Variants in PSMG2 observed in about 807,000 individuals in gnomAD.
The protein encoded by PSMG2 is proteasome assembly chaperone 2.
In PSMG2, 21 loss-of-function variants were observed where a neutral mutation model predicts 31.5. The observed-to-expected ratio is 0.67, with a 90% confidence interval of 0.47 to 0.96. PSMG2 has a LOEUF of 0.96. Ranked by LOEUF, PSMG2 falls within the 40% of genes least tolerant of loss-of-function variation. The probability of loss-of-function intolerance (pLI) is 0.00; values close to 1 mark genes in which losing one functional copy is unlikely to be tolerated. For synonymous variants in PSMG2, 120 were observed against 110.4 expected (o/e 1.09, Z -0.54); for missense variants, 318 against 321.2 (o/e 0.99, Z 0.08).
chr18:12,720,088 C>A (rs2040416574), intron 4 of PSMG2, among the ~76,000 whole-genome samples: 1 of 151,878 alleles, frequency 6.6e-6, no homozygotes, highest in Admixed American at 6.6e-5. Flanking sequence ...ACTCTGTCAC[C>A]CAGGCTGGAG....
At chr18:12,680,654 A>C (rs2039315451) in intron 1 of PSMG2, 1 of 1,584,058 alleles carries the variant, frequency 6.3e-7, no homozygotes, top group Admixed American at 1.9e-5. Flanking sequence ...TAAACTTAGT[A>C]AACTAACCTG....
At chr18:12,693,471 G>A (rs1016476573) in intron 1 of PSMG2, among the ~76,000 whole-genome samples, 5 of 151,806 alleles carry the variant, frequency 3.3e-5, no homozygotes, top group Non-Finnish European at 2.9e-5. Context: ...CAAAAAAGTA[G>A]AGCCCAAACA....
At chr18:12,702,869 T>C (rs1451616217), upstream of PSMG2, 3 of 571,506 alleles carry the variant, frequency 5.2e-6, no homozygotes, top group Non-Finnish European at 6.1e-6. Flanking sequence ...GCGCACCCCA[T>C]CGCCTTGCTT....
chr18:12,664,494 G>C (rs1229701941), intron 1 of PSMG2, among the ~76,000 whole-genome samples: 1 of 151,892 alleles, frequency 6.6e-6, no homozygotes, highest in Non-Finnish European at 1.5e-5. Context: ...AGATCGCAGT[G>C]AGCCAAGATC....
upstream of PSMG2, chr18:12,700,954 T>C (rs1044495284): frequency 5.0e-6 from 8 of 1,609,940 alleles, no homozygotes; most frequent in Admixed American, 1.7e-5. Flanking sequence ...AAAAGATTAC[T>C]CACAGTAACA....
At chr18:12,704,555 C>T (rs1366658786) in intron 1 of PSMG2, among the ~76,000 whole-genome samples, 1 of 152,060 alleles carries the variant, frequency 6.6e-6, no homozygotes, top group Non-Finnish European at 1.5e-5. Flanking sequence ...TGCCACTGCA[C>T]TCCAGCCTGG....
At chr18:12,683,499 T>A (rs1260752581) in intron 1 of PSMG2, among the ~76,000 whole-genome samples, 1 of 151,268 alleles carries the variant, frequency 6.6e-6, no homozygotes. Context: ...AAAACGGAAA[T>A]CAGCACTTTA....
intron 1 of PSMG2, among the ~76,000 whole-genome samples, chr18:12,677,045 CTT>C (rs2039161132): frequency 6.6e-6 from 1 of 152,214 alleles, no homozygotes; most frequent in African/African-American, 2.4e-5. Context: ...CTCTTAATGT[CTT>C]CTCTTGATGA....
At chr18:12,674,543 AT>A (rs755787482) in intron 1 of PSMG2, 1 of 1,611,672 alleles carries the variant, frequency 6.2e-7, no homozygotes, top group African/African-American at 1.3e-5. Context: ...TACCGAAGAC[AT>A]GTGGCAAATG....
intron 1 of PSMG2, among the ~76,000 whole-genome samples, chr18:12,694,616 C>T (rs1408777554): frequency 6.6e-6 from 1 of 152,190 alleles, no homozygotes; most frequent in African/African-American, 2.4e-5. Context: ...AAGCAGCAAG[C>T]TTTCAATAAA....
At chr18:12,715,016 CTT>C (rs895971451) in intron 3 of PSMG2, among the ~76,000 whole-genome samples, 1 of 149,052 alleles carries the variant, frequency 6.7e-6, no homozygotes, top group Non-Finnish European at 1.5e-5. Context: ...GCCCGGCCCT[CTT>C]TTTTTTTGAG....
chr18:12,680,931 G>A (rs2039324750), intron 1 of PSMG2: 2 of 1,072,514 alleles, frequency 1.9e-6, no homozygotes, highest in Non-Finnish European at 2.6e-6. Context: ...GGGCACAGTG[G>A]CTCACGCCTG....
Position 12,676,026 on chromosome 18 carries a change from AATAAT to A in PSMG2, c.-37+17255_-37+17259del, listed in dbSNP as rs1227203426. On this transcript the variant is annotated intron_variant, in intron 1 of 6. Coordinates refer to the PSMG2 transcript ENST00000585331. ...TGATATCTGGACACATGAAGTTAAA[AATAAT>A]AATATTACAAATACAAAAAATTCTC... Among the ~76,000 whole-genome samples the A allele has an allele frequency of 3.9e-5, 6 of 152,268 alleles. No individual in the cohort carries two copies. The East Asian group carries it at 1.2e-3, about 29-fold the overall frequency.
chr18:12,703,103 C>T lies in PSMG2; in HGVS notation c.-5C>T, dbSNP rs1471815915. ...TTAGTCCCTGCTGGCCACCCCACTG[C>T]GACCATGTTCGTTCCCTGCGGGGAG... On this transcript the variant is annotated 5_prime_UTR_variant, in exon 1 of 7. Transcript: ENST00000317615. 1.9e-6 allele frequency: 3 copies of T among 1,612,160 alleles called. No homozygotes were observed. The highest frequency in any genetic ancestry group is 1.3e-5 in the African/African-American group (1 of 75,018).
chr18:12,674,439 G>GT (rs2039047806), intron 1 of PSMG2: 2 of 800,190 alleles, frequency 2.5e-6, no homozygotes, highest in Non-Finnish European at 1.9e-6. Flanking sequence ...AAGACCTTGA[G>GT]TTAAAAAAAA....
intron 1 of PSMG2, chr18:12,680,556 C>G (rs2039307863): frequency 1.3e-6 from 1 of 751,624 alleles, no homozygotes. Flanking sequence ...GAGATTGTGC[C>G]AGTGCACTCC....
intron 1 of PSMG2, chr18:12,679,218 G>A (rs1236851287): frequency 6.6e-6 from 1 of 152,224 alleles, no homozygotes; most frequent in East Asian, 1.9e-4. Context: ...AATGTTCCAT[G>A]AAGAAAGAAG....
chr18:12,708,874 T>A (rs1169080590), intron 2 of PSMG2, among the ~76,000 whole-genome samples: 1 of 146,998 alleles, frequency 6.8e-6, no homozygotes, highest in South Asian at 2.2e-4. Context: ...CCCGACTACT[T>A]TTTGTTTTTG....
intron 3 of PSMG2, among the ~76,000 whole-genome samples, chr18:12,718,252 G>T (rs962437239): frequency 9.9e-5 from 15 of 151,732 alleles, no homozygotes; most frequent in Non-Finnish European, 1.6e-4. Flanking sequence ...CAGGTGATCC[G>T]CCTGCCTCCC....
Sources: allele counts gnomAD v4.1 joint callset (sites outside exome capture counted in the v4.1 genomes callset), GRCh38; gene constraint gnomAD v4.1.1; transcripts MANE v1.5; gene names NCBI Gene and HGNC (gene_info 2026-07-23, HGNC 2026-07-21).